FOXP2: variants seen among roughly 807,000 people sequenced by gnomAD.
The protein encoded by FOXP2 is forkhead box P2.
A neutral mutation model predicts 115.8 loss-of-function variants in FOXP2; 12 were observed. The ratio of observed to expected loss-of-function variants is 0.10; its 90% CI spans 0.07 to 0.17. The LOEUF (loss-of-function observed/expected upper bound fraction) is 0.17, where lower values mean the gene tolerates loss of function less well. Ranked by LOEUF, FOXP2 falls within the 10% of genes least tolerant of loss-of-function variation. FOXP2 has a pLI of 1.00. For synonymous variants in FOXP2, 328 were observed against 297.7 expected (o/e 1.10, Z -1.05); for missense variants, 629 against 843.5 (o/e 0.75, Z 3.15).
chr7:114,313,052 G>A (rs1797184451), intron 2 of FOXP2, among the ~76,000 whole-genome samples: 1 of 152,142 alleles, frequency 6.6e-6, no homozygotes, highest in South Asian at 2.1e-4. Flanking sequence ...TGAAGAGGGG[G>A]AAATACAGTG....
chr7:114,688,860 G>C (rs895196584), intron 16 of FOXP2, among the ~76,000 whole-genome samples: 10 of 152,114 alleles, frequency 6.6e-5, no homozygotes, highest in Admixed American at 2.0e-4. Flanking sequence ...GCAAAGCCTT[G>C]CTGCAGGTTT....
intron 1 of FOXP2, among the ~76,000 whole-genome samples, chr7:114,244,769 CT>C (rs145190615): frequency 4.7e-5 from 7 of 149,630 alleles, no homozygotes; most frequent in Non-Finnish European, 3.0e-5. Context: ...ATAGTGTTTT[CT>C]TTTTTTTTTG....
chr7:114,550,947 A>G (rs576174035), intron 3 of FOXP2, among the ~76,000 whole-genome samples: 2 of 152,146 alleles, frequency 1.3e-5, no homozygotes, highest in Admixed American at 6.5e-5. Context: ...ATAATTTCCA[A>G]TACTGCTAGA....
intron 2 of FOXP2, among the ~76,000 whole-genome samples, chr7:114,333,172 T>A (rs1040132008): frequency 1.1e-4 from 17 of 152,140 alleles, no homozygotes; most frequent in African/African-American, 3.9e-4. Flanking sequence ...GGGGAAAGAA[T>A]AATAGTAATA....
At chr7:114,554,860 G>A (rs1382503637) in intron 3 of FOXP2, among the ~76,000 whole-genome samples, 1 of 151,980 alleles carries the variant, frequency 6.6e-6, no homozygotes, top group Non-Finnish European at 1.5e-5. Context: ...TTTACTACTA[G>A]TTCATCCACG....
At chr7:114,212,751 A>G (rs1043386050) in intron 1 of FOXP2, among the ~76,000 whole-genome samples, 8 of 152,252 alleles carry the variant, frequency 5.3e-5, no homozygotes, top group African/African-American at 1.9e-4. Flanking sequence ...AGAATAAGAC[A>G]GAAAAACAAG....
chr7:114,382,406 T>C (rs973448026), intron 2 of FOXP2, among the ~76,000 whole-genome samples: 2 of 152,198 alleles, frequency 1.3e-5, no homozygotes, highest in African/African-American at 4.8e-5. Context: ...CAGTGGGCCT[T>C]CCAGTGATTC....
intron 2 of FOXP2, among the ~76,000 whole-genome samples, chr7:114,346,018 T>G (rs1360082837): frequency 6.6e-6 from 1 of 151,852 alleles, no homozygotes; most frequent in Admixed American, 6.6e-5. Context: ...TTACATTTTA[T>G]TCACAAAGAT....
At chr7:114,514,898 T>C (rs537876819) in intron 2 of FOXP2, among the ~76,000 whole-genome samples, 46 of 145,368 alleles carry the variant, frequency 3.2e-4, no homozygotes, top group African/African-American at 1.2e-3. Flanking sequence ...CCTCAGAGTG[T>C]GATGTTCCCC....
chr7:114,458,867 C>T (rs1211200436), intron 2 of FOXP2, among the ~76,000 whole-genome samples: 2 of 152,038 alleles, frequency 1.3e-5, no homozygotes, highest in Non-Finnish European at 2.9e-5. Flanking sequence ...CCTGAAACAA[C>T]AACAATTTAT....
chr7:114,608,790 T>C (rs895350620), intron 3 of FOXP2, among the ~76,000 whole-genome samples: 4 of 152,186 alleles, frequency 2.6e-5, no homozygotes, highest in Non-Finnish European at 5.9e-5. Context: ...CAACAAAAGG[T>C]GTTTTATTAC....
intron 2 of FOXP2, among the ~76,000 whole-genome samples, chr7:114,359,641 G>A (rs1356108117): frequency 2.6e-5 from 4 of 152,354 alleles, no homozygotes; most frequent in East Asian, 1.9e-4. Context: ...TGACCTGGAT[G>A]TGAGACATGG....
chr7:114,311,977 C>T (rs1797156732), intron 2 of FOXP2, among the ~76,000 whole-genome samples: 1 of 152,056 alleles, frequency 6.6e-6, no homozygotes, highest in Non-Finnish European at 1.5e-5. Context: ...GTCTTATTCT[C>T]CTTACCAGCC....
At chr7:114,286,250 T>C (rs1771659406) in intron 1 of FOXP2, among the ~76,000 whole-genome samples, 1 of 152,054 alleles carries the variant, frequency 6.6e-6, no homozygotes, top group African/African-American at 2.4e-5. Flanking sequence ...TCTATGTGCC[T>C]GCAGCTGTAC....
upstream of FOXP2, among the ~76,000 whole-genome samples, chr7:114,158,858 T>C (rs138900181): frequency 3.5e-3 from 533 of 152,222 alleles, 7 homozygotes; most frequent in East Asian, 0.021. Context: ...GTTGGTTGTT[T>C]CCTTGGTCTG....
chr7:114,165,028 C>A (rs1218403489), intron 1 of FOXP2, among the ~76,000 whole-genome samples: 1 of 151,724 alleles, frequency 6.6e-6, no homozygotes, highest in Non-Finnish European at 1.5e-5. Context: ...TTTGGAAATG[C>A]AAGAAGTGAT....
intron 3 of FOXP2, among the ~76,000 whole-genome samples, chr7:114,569,073 CA>C (rs1256742220): frequency 6.6e-6 from 1 of 151,844 alleles, no homozygotes; most frequent in Non-Finnish European, 1.5e-5. Flanking sequence ...TTGTGACAAT[CA>C]CTTATTTTTT....
chr7:114,383,800 A>C (rs1219399058), intron 2 of FOXP2, among the ~76,000 whole-genome samples: 2 of 152,154 alleles, frequency 1.3e-5, no homozygotes, highest in Non-Finnish European at 2.9e-5. Context: ...ATCTGAAAAA[A>C]GAACATAAGG....
chr7:114,656,612 C>A (rs1806604728), intron 10 of FOXP2: 2 of 355,058 alleles, frequency 5.6e-6, no homozygotes, highest in South Asian at 4.1e-5. Flanking sequence ...ACAAAGAATT[C>A]CCTACCCAGT....
Sources: allele counts gnomAD v4.1 joint callset (sites outside exome capture counted in the v4.1 genomes callset), GRCh38; gene constraint gnomAD v4.1.1; transcripts MANE v1.5; gene names NCBI Gene and HGNC (gene_info 2026-07-23, HGNC 2026-07-21).